MAMDC2: variants seen among roughly 807,000 people sequenced by gnomAD.
The protein encoded by MAMDC2 is MAM domain containing 2, also known as MAM domain-containing protein 2.
In MAMDC2, 57 loss-of-function variants were observed where a neutral mutation model predicts 89.8. That is an observed-to-expected ratio of 0.63 (90% CI 0.51 to 0.79). MAMDC2 has a LOEUF of 0.79. MAMDC2 is among the 30% of genes least tolerant of loss of function. The pLI, the probability that MAMDC2 is intolerant of heterozygous loss-of-function variation, is 0.00. For missense variants in MAMDC2, 800 were observed against 820.6 expected, an observed-to-expected ratio of 0.97 and a Z score of 0.31; for synonymous variants, 313 against 293.4, an observed-to-expected ratio of 1.07 and a Z score of -0.68.
At chr9:70,200,490 C>A (rs912799231) in intron 11 of MAMDC2, among the ~76,000 whole-genome samples, 30 of 151,892 alleles carry the variant, frequency 2.0e-4, no homozygotes, top group South Asian at 1.0e-3. Flanking sequence ...TAGCGTGATT[C>A]CTCCAGCTTT....
chr9:70,147,402 G>A (rs1277591371), intron 9 of MAMDC2, among the ~76,000 whole-genome samples: 1 of 149,944 alleles, frequency 6.7e-6, no homozygotes, highest in East Asian at 1.9e-4. Context: ...AACCTTAGCT[G>A]TGTTGGCTGA....
intron 2 of MAMDC2, among the ~76,000 whole-genome samples, chr9:70,058,701 T>C (rs961649249): frequency 3.3e-5 from 5 of 152,222 alleles, no homozygotes; most frequent in Non-Finnish European, 5.9e-5. Context: ...CGTTCATTTA[T>C]TTTCTGCTGC....
At chr9:70,091,867 C>T (rs1026537901) in intron 2 of MAMDC2, among the ~76,000 whole-genome samples, 5 of 152,164 alleles carry the variant, frequency 3.3e-5, no homozygotes, top group Non-Finnish European at 7.3e-5. Flanking sequence ...TTGTTTTCTC[C>T]CAACTTTACT....
rs1308651353 is a variant in MAMDC2, at chr9:70,218,580, G to T, written c.1895G>T (p.Cys632Phe). The T allele has an allele frequency of 2.5e-6, 4 of 1,608,632 alleles. No individual in the cohort carries two copies. The highest frequency in any genetic ancestry group is 3.4e-6 in the Non-Finnish European group (4 of 1,176,048). The change falls in exon 12 of 14, where the codon TGT (cysteine) becomes TTT (phenylalanine). Residue 632 changes from cysteine (C) to phenylalanine (F), a missense_variant. Cys to Phe is a radical substitution (Grantham distance 205). Transcript: ENST00000377182. ...CTACGAGCACTGATTGAATACAGCTGTGAGAGGCAACACCAGGTAAGCCAA... is the reference window on the plus strand; with the variant it reads ...CTACGAGCACTGATTGAATACAGCTTTGAGAGGCAACACCAGGTAAGCCAA... ...SWLRALIEYS[C>F]ERQHQIIFEA...
intron 6 of MAMDC2, 50 bp from the exon 7 acceptor site, chr9:70,131,469 C>A (rs2118368244): frequency 1.4e-6 from 2 of 1,387,402 alleles, no homozygotes; most frequent in Non-Finnish European, 2.0e-6. Flanking sequence ...AGCACTTAAG[C>A]CAAACCGAAA....
rs997238180 is a variant in MAMDC2, at chr9:70,044,080, T to C, written c.-118T>C. 8.1e-7 allele frequency: 1 copy of C among 1,236,994 alleles called. No individual in the cohort carries two copies. Among genetic ancestry groups the C allele is most frequent in the Non-Finnish European group, 1.2e-6 (1 of 859,522 alleles). The allele number at this position is 1,236,994 out of a possible 1,614,324, so 76.6% of individuals were successfully genotyped here. A position where few individuals can be genotyped will look rare whatever the true frequency, so the allele number is the denominator to read the frequency against. ...AGAGCGCAAGCTTTGCCTCTCGACT[T>C]CTCCCTCCTTGGGTCCCCGGCGCCC... is the stretch of plus-strand genomic sequence containing the variant. On this transcript the variant is annotated 5_prime_UTR_variant, in exon 1 of 14. Transcript: ENST00000377182.
chr9:70,089,817 C>A (rs1357704747), intron 2 of MAMDC2, among the ~76,000 whole-genome samples: 2 of 152,134 alleles, frequency 1.3e-5, no homozygotes, highest in Non-Finnish European at 2.9e-5. Context: ...TAGTGATTAG[C>A]ACATGACTTG....
intron 8 of MAMDC2, among the ~76,000 whole-genome samples, chr9:70,142,039 A>G (rs1019269340): frequency 3.3e-5 from 5 of 152,204 alleles, no homozygotes; most frequent in African/African-American, 1.2e-4. Flanking sequence ...CTTTACCTCA[A>G]AATAATCAAA....
At chr9:70,051,895 A>AT (rs1563932183) in intron 2 of MAMDC2, among the ~76,000 whole-genome samples, 12 of 150,638 alleles carry the variant, frequency 8.0e-5, no homozygotes, top group Non-Finnish European at 1.6e-4. Context: ...ATAGAGATAG[A>AT]TAGATAGATA....
chr9:70,219,505 G>A (rs2309646), intron 12 of MAMDC2, among the ~76,000 whole-genome samples: 139,217 of 152,234 alleles, frequency 0.91, 63,812 homozygotes, highest in East Asian at 0.98. Context: ...TCCTGGGAAG[G>A]GATATCCAAA....
At chr9:70,166,308 T>TATATAAATACAC (rs1383465472) in intron 9 of MAMDC2, among the ~76,000 whole-genome samples, 2 of 132,926 alleles carry the variant, frequency 1.5e-5, no homozygotes, top group East Asian at 4.3e-4. Flanking sequence ...CACACACATA[T>TATATAAATACAC]ATATATATAC....
intron 2 of MAMDC2, among the ~76,000 whole-genome samples, chr9:70,060,145 C>G (rs7862220): frequency 0.045 from 6,830 of 152,244 alleles, 459 homozygotes; most frequent in African/African-American, 0.15. Flanking sequence ...CTGCTGAACT[C>G]TAAGCTTTGT....
intron 11 of MAMDC2, chr9:70,217,544 A>T (rs866028763): frequency 2.1e-5 from 34 of 1,583,830 alleles, no homozygotes; most frequent in Middle Eastern, 2.3e-4. Context: ...GAAGCAAAAA[A>T]GGCTAAGCAA....
At chr9:70,139,375 G>T (rs2031120862) in intron 7 of MAMDC2, among the ~76,000 whole-genome samples, 1 of 144,548 alleles carries the variant, frequency 6.9e-6, no homozygotes, top group South Asian at 2.2e-4. Context: ...TGCGGTGTTT[G>T]GTTTTTGTCC....
intron 11 of MAMDC2, among the ~76,000 whole-genome samples, chr9:70,218,135 A>C (rs542094349): frequency 4.6e-5 from 7 of 152,358 alleles, no homozygotes; most frequent in Non-Finnish European, 8.8e-5. Context: ...TAAATCATTA[A>C]ATTTAAGAAA....
chr9:70,154,229 A>C (rs1210055020), intron 9 of MAMDC2: 1 of 152,172 alleles, frequency 6.6e-6, no homozygotes, highest in Non-Finnish European at 1.5e-5. Context: ...AATTCCTAAC[A>C]TCAAGGCAAT....
At chr9:70,179,195 A>C (rs1213495932) in intron 11 of MAMDC2, among the ~76,000 whole-genome samples, 5 of 152,136 alleles carry the variant, frequency 3.3e-5, no homozygotes, top group African/African-American at 1.2e-4. Flanking sequence ...TTGGAGATCT[A>C]TCTCTAGCTA....
chr9:70,182,388 GTC>G (rs1357321404), intron 11 of MAMDC2, among the ~76,000 whole-genome samples: 1 of 152,090 alleles, frequency 6.6e-6, no homozygotes, highest in East Asian at 1.9e-4. Context: ...TTAGGGAGGA[GTC>G]TCTCTTTTTC....
intron 11 of MAMDC2, among the ~76,000 whole-genome samples, chr9:70,210,710 AG>A (rs2033337978): frequency 7.9e-5 from 12 of 152,162 alleles, no homozygotes; most frequent in Admixed American, 7.9e-4. Context: ...TAGTTGATGC[AG>A]TTTCTTCCTA....
Sources: gnomAD v4.1 joint callset for allele counts (sites outside exome capture counted in the v4.1 genomes callset) on GRCh38, gnomAD v4.1.1 for gene constraint, MANE v1.5 for transcripts, NCBI Gene and HGNC (gene_info 2026-07-23, HGNC 2026-07-21) for gene names.